RARB: variants seen among roughly 807,000 people sequenced by gnomAD.
RARB encodes the protein HBV-activated protein.
RARB carries 17 observed loss-of-function variants against 51.9 expected under a neutral mutation model. The ratio of observed to expected loss-of-function variants is 0.33; its 90% confidence interval spans 0.22 to 0.49. The LOEUF (loss-of-function observed/expected upper bound fraction) is 0.49. Among genes scored for constraint, RARB ranks in the 20% least tolerant of loss-of-function variants. The pLI is 0.99. For missense variants in RARB, 369 were observed against 550.8 expected (o/e 0.67, Z 3.30); for synonymous variants, 215 against 195.4 (o/e 1.10, Z -0.84).
At chr3:24,934,001 C>G (rs984190597) in intron 2 of RARB, among the ~76,000 whole-genome samples, 1 of 152,130 alleles carries the variant, frequency 6.6e-6, no homozygotes, top group African/African-American at 2.4e-5. Context: ...AATCCTTAAT[C>G]GAACAATGTT....
At chr3:24,991,858 A>T (rs1407909757) in intron 2 of RARB, among the ~76,000 whole-genome samples, 1 of 151,096 alleles carries the variant, frequency 6.6e-6, no homozygotes, top group African/African-American at 2.4e-5. Flanking sequence ...TTCAGCTGAC[A>T]CTTGGTACCA....
intron 1 of RARB, among the ~76,000 whole-genome samples, chr3:25,437,243 G>C (rs556340114): frequency 1.8e-4 from 27 of 151,466 alleles, no homozygotes; most frequent in Middle Eastern, 3.4e-3. Context: ...ACTGTGCCCT[G>C]ATTCAGGGGC....
intron 4 of RARB, among the ~76,000 whole-genome samples, chr3:25,149,587 C>T (rs1700249401): frequency 6.6e-6 from 1 of 152,194 alleles, no homozygotes; most frequent in Non-Finnish European, 1.5e-5. Context: ...GAATGCAAGT[C>T]ATTCAGAGGG....
At chr3:25,035,382 A>C (rs1343310901) in intron 2 of RARB, among the ~76,000 whole-genome samples, 2 of 149,620 alleles carry the variant, frequency 1.3e-5, no homozygotes, top group Non-Finnish European at 3.0e-5. Context: ...TCAGTCTCCC[A>C]AAGTGCTGGA....
chr3:25,309,956 T>A (rs17016167), intron 5 of RARB, among the ~76,000 whole-genome samples: 6,119 of 152,328 alleles, frequency 0.04, 164 homozygotes, highest in Middle Eastern at 0.068. Context: ...AAGATTCTTC[T>A]TGAAAGTCCC....
rs181855765 is a variant in RARB, at chr3:24,979,576, G to A, written c.-379-80549G>A. 5.9e-4 allele frequency among the ~76,000 whole-genome samples: 89 copies of A among 151,166 alleles called. 1 individual carries two copies. Among genetic ancestry groups the A allele is most frequent in the Admixed American group, 2.4e-3 (36 of 15,198 alleles). On this transcript the variant is annotated intron_variant, in intron 2 of 11. Transcript: ENST00000383772. ...GATTGCAACTCCTCCTGTTTTTTTT[G>A]TTTTGTTTTGTTTTTTGTTTTTTGT... is the stretch of plus-strand genomic sequence containing the variant.
intron 5 of RARB, among the ~76,000 whole-genome samples, chr3:25,191,876 C>T (rs1701112486): frequency 6.6e-6 from 1 of 152,076 alleles, no homozygotes; most frequent in Admixed American, 6.6e-5. Context: ...GTCAAGGAAT[C>T]TTGTGAATTT....
chr3:24,999,599 G>GA (rs1697115391), intron 2 of RARB, among the ~76,000 whole-genome samples: 1 of 152,168 alleles, frequency 6.6e-6, no homozygotes, highest in African/African-American at 2.4e-5. Context: ...GTGTTTCTTA[G>GA]ACTGCAGTGC....
At chr3:24,829,389 G>A (rs1297959321) in exon 1 of RARB, among the ~76,000 whole-genome samples, 2 of 152,214 alleles carry the variant, frequency 1.3e-5, no homozygotes, top group African/African-American at 2.4e-5. Context: ...GGACTCCAAG[G>A]CAGCCCGCCA....
intron 5 of RARB, among the ~76,000 whole-genome samples, chr3:25,204,323 C>T (rs1002549044): frequency 5.3e-5 from 8 of 152,132 alleles, no homozygotes; most frequent in African/African-American, 7.2e-5. Context: ...GTTAGCCATT[C>T]GTCTAATCTT....
chr3:25,266,095 T>G (rs575599432), intron 5 of RARB, among the ~76,000 whole-genome samples: 1 of 152,322 alleles, frequency 6.6e-6, no homozygotes, highest in Non-Finnish European at 1.5e-5. Context: ...CAATTCACTC[T>G]TAAGTTCAGC....
intron 5 of RARB, among the ~76,000 whole-genome samples, chr3:25,581,553 G>A (rs2125307018): frequency 2.0e-5 from 3 of 152,312 alleles, no homozygotes; most frequent in African/African-American, 7.2e-5. Context: ...GGGCATCAGG[G>A]ATCCCCTTTT....
intron 2 of RARB, among the ~76,000 whole-genome samples, chr3:25,052,886 A>G (rs544496396): frequency 6.7e-6 from 1 of 149,560 alleles, no homozygotes; most frequent in South Asian, 2.2e-4. Context: ...AAAAAGTCAT[A>G]GAAAAAAAAA....
chr3:25,232,818 A>G (rs1016782319), intron 5 of RARB, among the ~76,000 whole-genome samples: 10 of 152,278 alleles, frequency 6.6e-5, no homozygotes, highest in Non-Finnish European at 1.3e-4. Context: ...AATAAATTAC[A>G]TGAGATATTC....
At chr3:25,165,911 T>C (rs780724942) in intron 4 of RARB, among the ~76,000 whole-genome samples, 4 of 152,206 alleles carry the variant, frequency 2.6e-5, no homozygotes, top group Non-Finnish European at 4.4e-5. Context: ...TGAACTCTGT[T>C]TCTTTAGCAG....
At chr3:25,099,849 T>G (rs968082636) in intron 3 of RARB, among the ~76,000 whole-genome samples, 1 of 152,132 alleles carries the variant, frequency 6.6e-6, no homozygotes, top group Non-Finnish European at 1.5e-5. Context: ...TTCATTTGTG[T>G]GTGCAGTCCC....
intron 2 of RARB, among the ~76,000 whole-genome samples, chr3:24,942,320 A>C (rs1695683899): frequency 6.6e-6 from 1 of 152,192 alleles, no homozygotes; most frequent in African/African-American, 2.4e-5. Flanking sequence ...ATCATCTAGA[A>C]AGCAATAATT....
At chr3:25,430,985 A>C (rs924299079) in intron 1 of RARB, among the ~76,000 whole-genome samples, 5 of 144,944 alleles carry the variant, frequency 3.4e-5, no homozygotes, top group African/African-American at 1.3e-4. Context: ...AATAAAACTA[A>C]AACTTTTTTT....
At chr3:24,890,780 T>G (rs958543229) in intron 2 of RARB, among the ~76,000 whole-genome samples, 3 of 152,108 alleles carry the variant, frequency 2.0e-5, no homozygotes, top group Non-Finnish European at 2.9e-5. Flanking sequence ...ACAAAGAGTT[T>G]TTTGGGTGGG....
Sources: gnomAD v4.1 joint callset for allele counts (sites outside exome capture counted in the v4.1 genomes callset) on GRCh38, gnomAD v4.1.1 for gene constraint, MANE v1.5 for transcripts, NCBI Gene and HGNC (gene_info 2026-07-23, HGNC 2026-07-21) for gene names.